Variants in HIVEP1 observed in about 807,000 individuals in gnomAD.
The protein encoded by HIVEP1 is zinc finger protein 40.
In HIVEP1, 36 loss-of-function variants were observed where a neutral mutation model predicts 180.0. That is an observed-to-expected ratio of 0.20 (90% CI 0.15 to 0.26). The LOEUF (loss-of-function observed/expected upper bound fraction) is 0.26. Ranked by LOEUF, HIVEP1 falls within the 10% of genes least tolerant of loss-of-function variation. The pLI is 1.00. For synonymous variants in HIVEP1, 1,239 were observed against 1,239.0 expected (o/e 1.00, Z 0.00); for missense variants, 3,143 against 3,268.7 (o/e 0.96, Z 0.94).
At chr6:12,024,787 C>T (rs371468801) in intron 2 of HIVEP1, among the ~76,000 whole-genome samples, 3 of 152,292 alleles carry the variant, frequency 2.0e-5, no homozygotes, top group Admixed American at 1.3e-4. Flanking sequence ...GGTTAAGCCA[C>T]GCCAGGAGTG....
At chr6:12,166,429 T>C (rs913777158), downstream of HIVEP1, among the ~76,000 whole-genome samples, 5 of 152,200 alleles carry the variant, frequency 3.3e-5, no homozygotes, top group Admixed American at 1.3e-4. Context: ...CTTACTCTTA[T>C]TTTGTACTTT....
the HIVEP1 span, among the ~76,000 whole-genome samples, chr6:12,191,407 C>T: frequency 1.7e-4 from 26 of 151,864 alleles, no homozygotes; most frequent in Non-Finnish European, 2.9e-4. Context: ...CTGGGCAACA[C>T]GGGGAGACCC....
At chr6:12,152,336 A>C (rs1257900666) in intron 7 of HIVEP1, among the ~76,000 whole-genome samples, 1 of 152,136 alleles carries the variant, frequency 6.6e-6, no homozygotes, top group Non-Finnish European at 1.5e-5. Context: ...TGTTGATCCC[A>C]GGCAAGGCAC....
chr6:12,184,055 AGACAGACT>A, the HIVEP1 span, among the ~76,000 whole-genome samples: 457 of 146,330 alleles, frequency 3.1e-3, 4 homozygotes, highest in African/African-American at 8.9e-3. Flanking sequence ...ACAGACAGAC[AGACAGACT>A]GATTTGGGGG....
At chr6:12,179,004 T>C in the HIVEP1 span, among the ~76,000 whole-genome samples, 11 of 152,160 alleles carry the variant, frequency 7.2e-5, no homozygotes, top group African/African-American at 2.7e-4. Flanking sequence ...TGGGATCCAA[T>C]TTATTTTAAA....
At chr6:12,037,721 T>G (rs1483940778) in intron 2 of HIVEP1, 2 of 409,256 alleles carry the variant, frequency 4.9e-6, no homozygotes, top group Non-Finnish European at 8.7e-6. Flanking sequence ...CCTTTTTTTT[T>G]GTAGGGTCTT....
At chr6:12,015,768 C>A in intron 2 of HIVEP1, 100 bp downstream of exon 2, 1 of 1,049,912 alleles carries the variant, frequency 9.5e-7, no homozygotes, top group Non-Finnish European at 1.5e-6. Flanking sequence ...GTTGACCCTG[C>A]CTGGTGAGGA....
chr6:12,123,606 A>G lies in HIVEP1; in HGVS notation c.3811A>G (p.Lys1271Glu), dbSNP rs1214015004. The change falls in exon 4 of 9, where the codon AAA (lysine) becomes GAA (glutamate). Residue 1271 changes from lysine to glutamate, a missense_variant. Coordinates refer to ENST00000379388, the MANE Select transcript of HIVEP1 (RefSeq NM_002114.4). ...GCCCCAGCGTAGTGAAACCTTGTCAAAATTGCCAACAGAGAAACTGCCACC... is the reference window on the plus strand; with the variant it reads ...GCCCCAGCGTAGTGAAACCTTGTCAGAATTGCCAACAGAGAAACTGCCACC... ...SWPQRSETLSKLPTEKLPPKK... is the reference protein window; with the variant it reads ...SWPQRSETLSELPTEKLPPKK... 6 of 1,614,034 alleles carry G rather than the reference A, an allele frequency of 3.7e-6. No homozygotes were observed. Among genetic ancestry groups the G allele is most frequent in the East Asian group, 2.2e-5 (1 of 44,896 alleles).
At chr6:12,044,311 A>G (rs544746133) in intron 2 of HIVEP1, among the ~76,000 whole-genome samples, 66 of 152,366 alleles carry the variant, frequency 4.3e-4, no homozygotes, top group Non-Finnish European at 7.9e-4. Context: ...AACCAAATGT[A>G]TAATTTTTCC....
At chr6:12,085,708 G>A (rs961898510) in intron 2 of HIVEP1, among the ~76,000 whole-genome samples, 6 of 152,096 alleles carry the variant, frequency 3.9e-5, no homozygotes, top group African/African-American at 1.4e-4. Flanking sequence ...GGAATGAGAG[G>A]CAGGCCTCTG....
In HIVEP1 at chr6:12,163,949, A is replaced by G. The variant is rs764530795; in HGVS notation, c.7645A>G (p.Ile2549Val). The G allele has an allele frequency of 7.4e-6, 12 of 1,614,014 alleles. No homozygotes were observed. In the East Asian group the frequency reaches 2.0e-4, roughly 27 times the overall value. ...AHIPGLQILN[I>V]ALPTLIPSVS... is the part of the protein sequence containing the mutation. ...CATTCCAGGTCTCCAGATCTTGAACATAGCATTGCCCACCTTAATCCCCTC... is the reference window on the plus strand; with the variant it reads ...CATTCCAGGTCTCCAGATCTTGAACGTAGCATTGCCCACCTTAATCCCCTC... Residue 2549 changes from isoleucine to valine, a missense_variant, in exon 9 of 9, where the codon ATA becomes GTA. Ile to Val is a conservative substitution (Grantham distance 29). Around this residue, in one of 12 missense-constraint regions of HIVEP1, gnomAD observed 595 missense variants for 602.2 expected, o/e 0.99. Transcript: ENST00000379388.
intron 2 of HIVEP1, among the ~76,000 whole-genome samples, chr6:12,076,638 G>T (rs1462284805): frequency 6.6e-6 from 1 of 152,158 alleles, no homozygotes; most frequent in Non-Finnish European, 1.5e-5. Flanking sequence ...CACTCCTGCA[G>T]TCCTTTTTTA....
At chr6:12,183,732 T>C in the HIVEP1 span, among the ~76,000 whole-genome samples, 1 of 152,180 alleles carries the variant, frequency 6.6e-6, no homozygotes, top group Non-Finnish European at 1.5e-5. Flanking sequence ...GTGTGGCACA[T>C]ACCTCTAATA....
chr6:12,208,593 C>T, the HIVEP1 span, among the ~76,000 whole-genome samples: 5 of 152,116 alleles, frequency 3.3e-5, no homozygotes, highest in Non-Finnish European at 5.9e-5. Flanking sequence ...AGAGTATGAT[C>T]GTATTTGGAG....
chr6:12,014,333 C>T (rs1767600313), intron 1 of HIVEP1, among the ~76,000 whole-genome samples: 1 of 152,138 alleles, frequency 6.6e-6, no homozygotes, highest in Admixed American at 6.5e-5. Context: ...CATGCAGTAC[C>T]ACATTCTTTA....
the HIVEP1 span, among the ~76,000 whole-genome samples, chr6:12,195,086 T>A: frequency 6.6e-6 from 1 of 152,232 alleles, no homozygotes; most frequent in Admixed American, 6.5e-5. Context: ...TAGAAAAGGA[T>A]ACTTAAGAGA....
In HIVEP1 at chr6:12,123,893, T is replaced by C. The variant is rs1757876476; in HGVS notation, c.4098T>C (p.Thr1366=). The C allele has an allele frequency of 1.2e-6, 2 of 1,614,104 alleles. No individual in the cohort carries two copies. Among genetic ancestry groups the C allele is most frequent in the African/African-American group, 2.7e-5 (2 of 74,942 alleles). ...VPGCHREMRR[T]ASEQINCTQT... ...GATGTCACCGGGAAATGAGGCGTAC[T>C]GCATCAGAACAGATTAATTGCACGC... Residue 1366 remains threonine (T), a synonymous_variant, in exon 4 of 9, where the codon ACT becomes ACC. Transcript: ENST00000379388.
At chr6:12,017,613 G>A (rs1056315228) in intron 2 of HIVEP1, among the ~76,000 whole-genome samples, 2 of 151,880 alleles carry the variant, frequency 1.3e-5, no homozygotes, top group African/African-American at 2.4e-5. Flanking sequence ...CCGTTTTACA[G>A]AGAGCCGATT....
At chr6:12,156,192 G>A (rs1170842340) in intron 7 of HIVEP1, among the ~76,000 whole-genome samples, 11 of 152,158 alleles carry the variant, frequency 7.2e-5, no homozygotes, top group Non-Finnish European at 1.6e-4. Flanking sequence ...CTCCCATTCT[G>A]TAGGTTGTGT....
Sources: gnomAD v4.1 joint callset for allele counts (sites outside exome capture counted in the v4.1 genomes callset) on GRCh38, gnomAD v4.1.1 for gene constraint, gnomAD v4.1.1 regional missense constraint, MANE v1.5 for transcripts, NCBI Gene and HGNC (gene_info 2026-07-23, HGNC 2026-07-21) for gene names.